Variants in NLRP9 observed in about 807,000 individuals in gnomAD.
The protein encoded by NLRP9 is NACHT, LRR and PYD domains-containing protein 9.
Under a neutral mutation model 83.1 loss-of-function variants are expected in NLRP9, and 88 were observed. The observed-to-expected ratio is 1.06, with a 90% CI of 0.89 to 1.26. The LOEUF (loss-of-function observed/expected upper bound fraction) is 1.26, where lower values mean the gene tolerates loss of function less well. Ranked by LOEUF, NLRP9 falls within the 50% of genes most tolerant of loss-of-function variation. The probability of loss-of-function intolerance (pLI) is 0.00; values close to 1 mark genes in which losing one functional copy is unlikely to be tolerated. For missense variants in NLRP9, 1,308 were observed against 1,179.3 expected (o/e 1.11, Z -1.60); for synonymous variants, 521 against 447.6 (o/e 1.16, Z -2.07).
chr19:55,728,496 C>T (rs1263819721), intron 3 of NLRP9, among the ~76,000 whole-genome samples: 5 of 151,996 alleles, frequency 3.3e-5, no homozygotes, highest in East Asian at 1.9e-4. Flanking sequence ...CGCTTGAACC[C>T]GGGAGGTGGA....
At chr19:55,725,596 G>A (rs1988375562) in intron 3 of NLRP9, among the ~76,000 whole-genome samples, 1 of 152,152 alleles carries the variant, frequency 6.6e-6, no homozygotes, top group African/African-American at 2.4e-5. Context: ...AAATGTCTGA[G>A]TGACACCCAG....
rs1428413827 is a variant in NLRP9, at chr19:55,729,843, A to T, written c.1982T>A (p.Leu661His). Reference sequence around the variant, plus strand: ...ACATAAAACTTACATGAGTTTTCGGAGTTTACAAACAGGCTGAGCCAGCGC... The same window carrying T: ...ACATAAAACTTACATGAGTTTTCGGTGTTTACAAACAGGCTGAGCCAGCGC... Reference protein sequence around the residue: ...CKALAQPVCKLRKLIFTSVYF... With the variant: ...CKALAQPVCKHRKLIFTSVYF... Residue 661 changes from leucine to histidine, a missense_variant, in exon 3 of 9, where the codon CTC becomes CAC. Leu to His is a moderately conservative substitution (Grantham distance 99). Transcript: ENST00000332836. 1 of 1,611,732 alleles carries T rather than the reference A, an allele frequency of 6.2e-7. No individual in the cohort carries two copies. Among genetic ancestry groups the T allele is most frequent in the Admixed American group, 1.7e-5 (1 of 59,188 alleles).
chr19:55,735,730 C>G (rs1414751107), intron 1 of NLRP9, among the ~76,000 whole-genome samples: 1 of 152,028 alleles, frequency 6.6e-6, no homozygotes, highest in Non-Finnish European at 1.5e-5. Flanking sequence ...CTCTGTGGCC[C>G]AGGCTAAAGT....
rs1482026450 is a variant in NLRP9 at position 55,715,223 on chromosome 19, AACCTGCAAAGAAACAC to A, written c.2331-14_2332del. On this transcript the variant is annotated splice_acceptor_variant and splice_polypyrimidine_tract_variant and coding_sequence_variant and intron_variant, in exon 6 of 9. Transcript: ENST00000332836. LOFTEE classifies it high-confidence loss of function. ...GACAGAGGTGAGACAGCAGTACATCAACCTGCAAAGAAACACACCGTCTCCCAGCCTGCTGAACAGC... is the reference window on the plus strand; with the variant it reads ...GACAGAGGTGAGACAGCAGTACATCAACCGTCTCCCAGCCTGCTGAACAGC... 1.2e-6 allele frequency: 2 copies of A among 1,612,624 alleles called. No individual in the cohort carries two copies. The highest frequency in any genetic ancestry group is 2.7e-5 in the African/African-American group (2 of 74,904).
At chr19:55,730,285 C>A (rs1988535179) in intron 2 of NLRP9, among the ~76,000 whole-genome samples, 1 of 152,084 alleles carries the variant, frequency 6.6e-6, no homozygotes. Flanking sequence ...AAGACTCCAT[C>A]TCTATTAAAA....
Position 55,732,539 on chromosome 19 carries a change from A to C in NLRP9, c.1292T>G (p.Met431Arg). ...GTCCCCTCTCCTTTGGAGGAGTCTC[A>C]TACCCACCCACATCACGCCCTCAGA... The part of the protein sequence containing the change: ...SESEGVMWVG[M>R]RLLQRRGDCF... The change falls in exon 2 of 9, where the codon ATG (methionine) becomes AGG (arginine). Residue 431 changes from methionine (M) to arginine (R), a missense_variant. By Grantham distance (91) the Met-to-Arg change is moderately conservative. Transcript: ENST00000332836. The C allele has an allele frequency of 6.2e-7, 1 of 1,614,168 alleles. No individual in the cohort carries two copies. The highest frequency in any genetic ancestry group is 1.3e-5 in the African/African-American group (1 of 75,052).
intron 8 of NLRP9, chr19:55,709,757 C>A (rs1330577594): frequency 6.6e-6 from 1 of 152,136 alleles, no homozygotes. Flanking sequence ...GCTTCTACTC[C>A]CTCAACAGCT....
chr19:55,721,323 T>G (rs1288667593), intron 4 of NLRP9, among the ~76,000 whole-genome samples: 1 of 152,142 alleles, frequency 6.6e-6, no homozygotes, highest in East Asian at 1.9e-4. Flanking sequence ...CAAAGTAAAA[T>G]GGCTGATGTG....
At chr19:55,712,699 G>A (rs1055575668) in intron 6 of NLRP9, 109 bp from the exon 7 acceptor site, 3 of 750,724 alleles carry the variant, frequency 4.0e-6, no homozygotes, top group South Asian at 1.7e-5. Flanking sequence ...GTAAATCTGA[G>A]ATGATGAGGA....
At chr19:55,715,887 T>C (rs745579130) in intron 5 of NLRP9, among the ~76,000 whole-genome samples, 2 of 152,198 alleles carry the variant, frequency 1.3e-5, no homozygotes, top group African/African-American at 2.4e-5. Context: ...CGATATCCCA[T>C]GTAGAATAAT....
intron 1 of NLRP9, among the ~76,000 whole-genome samples, chr19:55,736,605 A>G (rs981936740): frequency 6.6e-6 from 1 of 152,044 alleles, no homozygotes; most frequent in Non-Finnish European, 1.5e-5. Flanking sequence ...AAGCCCAGGC[A>G]GGAGGATCAT....
chr19:55,713,587 C>CCCTCCTCCCCT (rs1987864063), intron 6 of NLRP9, among the ~76,000 whole-genome samples: 1 of 140,548 alleles, frequency 7.1e-6, no homozygotes, highest in Non-Finnish European at 1.6e-5. Context: ...CTCCCTCCTC[C>CCCTCCTCCCCT]CCTCCTCCTC....
At chr19:55,721,153 T>G (rs1351919289) in intron 4 of NLRP9, among the ~76,000 whole-genome samples, 1 of 152,220 alleles carries the variant, frequency 6.6e-6, no homozygotes, top group African/African-American at 2.4e-5. Context: ...TTTGTACATT[T>G]CATTAGTAAA....
rs199728358 is a variant in NLRP9, at chr19:55,729,882, G to A, written c.1943C>T (p.Ala648Val). 4.3e-5 allele frequency: 69 copies of A among 1,613,710 alleles called. No individual in the cohort carries two copies. The East Asian group carries it at 1.2e-3, about 28-fold the overall frequency. The change falls in exon 3 of 9, where the codon GCG becomes GTG. Residue 648 changes from alanine to valine, a missense_variant. By Grantham distance (64) the Ala-to-Val change is moderately conservative. Transcript: ENST00000332836. ...ENTSLDDPSL[A>V]ILCKALAQPV... ...CTGAGCCAGCGCTTTGCAAAGAATC[G>A]CCAGGGAGGGATCATCGAGGCTGGT... is the stretch of plus-strand genomic sequence containing the variant.
chr19:55,732,708 C>CA lies in NLRP9; in HGVS notation c.1122dup (p.Val375CysfsTer12). 6.2e-7 allele frequency: 1 copy of CA among 1,614,156 alleles called. No homozygotes were observed. Among genetic ancestry groups the CA allele is most frequent in the Non-Finnish European group, 8.5e-7 (1 of 1,180,012 alleles). Reference sequence around the variant, plus strand: ...AAACTCTGACTTCCTGCTTTGAATACAGTTGTTAAAAAGGATGCATATAAA... The same window carrying CA: ...AAACTCTGACTTCCTGCTTTGAATACAAGTTGTTAAAAAGGATGCATATAAA... On this transcript the variant is annotated frameshift_variant, in exon 2 of 9. Transcript: ENST00000332836. LOFTEE classifies it high-confidence loss of function.
At chr19:55,728,257 G>C (rs924805794) in intron 3 of NLRP9, among the ~76,000 whole-genome samples, 12 of 152,282 alleles carry the variant, frequency 7.9e-5, no homozygotes, top group African/African-American at 2.6e-4. Context: ...CAGGTTGGTG[G>C]AAACTCTCCC....
intron 3 of NLRP9, among the ~76,000 whole-genome samples, chr19:55,727,595 C>T (rs1364236963): frequency 6.6e-6 from 1 of 152,178 alleles, no homozygotes; most frequent in Non-Finnish European, 1.5e-5. Context: ...CAGTCCCCTA[C>T]TTTAACATTT....
In NLRP9 at chr19:55,732,139, G is replaced by T. The variant is rs145361464; in HGVS notation, c.1692C>A (p.Phe564Leu). Reference protein sequence around the residue: ...EKEFVTKVMNFFEEVFIYIGN... With the variant: ...EKEFVTKVMNLFEEVFIYIGN... ...CAATATAAATGAAAACTTCTTCAAA[G>T]AAATTCATCACTTTGGTTACAAATT... is the stretch of plus-strand genomic sequence containing the variant. Residue 564 changes from phenylalanine to leucine, a missense_variant, in exon 2 of 9, where the codon TTC becomes TTA. Physicochemically the swap from Phe to Leu is conservative, Grantham distance 22. Transcript: ENST00000332836. The T allele has an allele frequency of 2.2e-4, 358 of 1,613,020 alleles. 1 individual carries two copies. The African/African-American group carries it at 4.0e-3, about 18-fold the overall frequency.
Position 55,708,827 on chromosome 19 carries a change from C to CA in NLRP9, c.*84dup, listed in dbSNP as rs1486302448. 3.5e-5 allele frequency: 31 copies of CA among 890,188 alleles called. No individual in the cohort carries two copies. Among genetic ancestry groups the CA allele is most frequent in the Non-Finnish European group, 4.8e-5 (29 of 599,986 alleles). 55.1% of individuals were successfully genotyped at this position (890,188 alleles called of 1,614,324 possible). ...ATCACAGCCCTGCTGCCATGATGTG[C>CA]AATTACAGGATAGAGGTGCCAGGTG... On this transcript the variant is annotated 3_prime_UTR_variant, in exon 9 of 9. Coordinates refer to ENST00000332836, the MANE Select transcript of NLRP9 (RefSeq NM_176820.4).
Sources: allele counts gnomAD v4.1 joint callset (sites outside exome capture counted in the v4.1 genomes callset), GRCh38; gene constraint gnomAD v4.1.1; transcripts MANE v1.5; gene names NCBI Gene and HGNC (gene_info 2026-07-23, HGNC 2026-07-21).